The following PLCD4 variants were observed in gnomAD, a reference collection of about 807,000 sequenced individuals.
PLCD4 encodes the protein 1-phosphatidylinositol 4,5-bisphosphate phosphodiesterase delta-4.
A neutral mutation model predicts 90.2 loss-of-function variants in PLCD4; 63 were observed. The observed-to-expected ratio is 0.70, with a 90% CI of 0.57 to 0.86. The LOEUF (loss-of-function observed/expected upper bound fraction) is 0.86. Ranked by LOEUF, PLCD4 falls within the 40% of genes least tolerant of loss-of-function variation. The probability of loss-of-function intolerance (pLI) is 0.00; values close to 1 mark genes in which losing one functional copy is unlikely to be tolerated. For missense variants in PLCD4, 830 were observed against 956.3 expected (o/e 0.87, Z 1.74); for synonymous variants, 294 against 356.5 (o/e 0.82, Z 1.97).
At chr2:218,629,126 G>T in intron 7 of PLCD4, 1 of 159,582 alleles carries the variant, frequency 6.3e-6, no homozygotes, top group Non-Finnish European at 1.4e-5. Flanking sequence ...TGAGGTGGGA[G>T]GATCGCTTAA....
chr2:218,636,711 T>C lies in PLCD4; in HGVS notation c.*134T>C. 1 of 927,972 alleles carries C rather than the reference T, an allele frequency of 1.1e-6. No homozygotes were observed. The highest frequency in any genetic ancestry group is 2.4e-5 in the Admixed American group (1 of 42,256). 57.5% of individuals were successfully genotyped at this position (927,972 alleles called of 1,614,324 possible). Reference sequence around the variant, plus strand: ...GTGCATTCCTAGGCACAAAATTACCTCATTCTTCCTAACAAGCAATCTGGG... The same window carrying C: ...GTGCATTCCTAGGCACAAAATTACCCCATTCTTCCTAACAAGCAATCTGGG... On this transcript the variant is annotated 3_prime_UTR_variant, in exon 16 of 16. Transcript: ENST00000450993.
At chr2:218,625,400 G>T (rs1696074065) in intron 6 of PLCD4, among the ~76,000 whole-genome samples, 1 of 152,082 alleles carries the variant, frequency 6.6e-6, no homozygotes, top group Non-Finnish European at 1.5e-5. Flanking sequence ...ACCCCTCTTG[G>T]TGTTTCCTTC....
At chr2:218,629,713 A>G in intron 8 of PLCD4, 50 bp downstream of exon 8, 1 of 1,585,262 alleles carries the variant, frequency 6.3e-7, no homozygotes, top group Non-Finnish European at 8.6e-7. Flanking sequence ...GTCTGAGGGA[A>G]GAACGACTGG....
Position 218,634,223 on chromosome 2 carries a change from TGAG to T in PLCD4, c.1723+7_1723+9del. 6 of 1,606,834 alleles carry T rather than the reference TGAG, an allele frequency of 3.7e-6. No individual in the cohort carries two copies. The highest frequency in any genetic ancestry group is 5.1e-6 in the Non-Finnish European group (6 of 1,176,542). On this transcript the variant is annotated splice_donor_5th_base_variant and intron_variant, in intron 12 of 15. Coordinates refer to ENST00000450993, the MANE Select transcript of PLCD4 (RefSeq NM_032726.4). The surrounding 1 kb of genome is among the most constrained non-coding windows in gnomAD (Gnocchi z 4.0). ...TCTGGAATGCAGGCTGCCAGATGGG[TGAG>T]GAGGCAGCAGGGACTGGGAAGAGGG...
At chr2:218,608,674 G>A (rs1260696510) in intron 1 of PLCD4, among the ~76,000 whole-genome samples, 3 of 152,054 alleles carry the variant, frequency 2.0e-5, no homozygotes, top group African/African-American at 7.2e-5. Flanking sequence ...GAGAGTTTAG[G>A]GTTTCCCAGA....
At chr2:218,628,285 T>C in intron 7 of PLCD4, 55 bp downstream of exon 7, 1 of 1,537,012 alleles carries the variant, frequency 6.5e-7, no homozygotes, top group Non-Finnish European at 9.0e-7. Flanking sequence ...TGTAGAAAAG[T>C]GAGGGGAGCT....
At chr2:218,612,176 G>A (rs1310679638) in intron 1 of PLCD4, among the ~76,000 whole-genome samples, 1 of 152,144 alleles carries the variant, frequency 6.6e-6, no homozygotes, top group African/African-American at 2.4e-5. Context: ...CCAAAGTGCT[G>A]GGATTACAGG....
At chr2:218,632,063 A>C in intron 9 of PLCD4, 73 bp from the exon 10 acceptor site, 1 of 1,459,342 alleles carries the variant, frequency 6.9e-7, no homozygotes, top group South Asian at 1.4e-5. Context: ...TTTGAGAACA[A>C]TGAGACTGGC....
At chr2:218,633,478 G>A (rs762797826) in intron 10 of PLCD4, 127 bp from the exon 11 acceptor site, 58 of 1,116,086 alleles carry the variant, frequency 5.2e-5, no homozygotes, top group Non-Finnish European at 7.4e-5. Flanking sequence ...TCTTGTCCCG[G>A]CAGGTGAGGC....
At chr2:218,616,928 A>ATATATATATATATATATATATAGT (rs57351654) in intron 3 of PLCD4, among the ~76,000 whole-genome samples, 1 of 10,442 alleles carries the variant, frequency 9.6e-5, no homozygotes, top group Non-Finnish European at 1.7e-4. Context: ...ATATATATAT[A>ATATATATATATATATATATATAGT]GAGAGAGAGA....
In PLCD4 at chr2:218,636,512, C is replaced by T; in HGVS notation, c.2224C>T (p.Leu742Phe). Residue 742 changes from leucine (L) to phenylalanine (F), a missense_variant, in exon 16 of 16, where the codon CTC becomes TTC. Leu to Phe is a conservative substitution (Grantham distance 22). Transcript: ENST00000450993. ...CCTGCTGTCCAAAGATGGCATCAGC[C>T]TCCGCCCAGCTTCCATCTTTGTGTA... ...IHLLSKDGIS[L>F]RPASIFVYIC... 1 of 1,613,974 alleles carries T rather than the reference C, an allele frequency of 6.2e-7. No individual in the cohort carries two copies. The highest frequency in any genetic ancestry group is 8.5e-7 in the Non-Finnish European group (1 of 1,179,888).
rs1696191383 is a variant in PLCD4, at chr2:218,628,042, T to C, written c.786T>C (p.His262=). ...TCCACACTCCAGGCAAACTGCGGCATGTGCTGAGTATGGATGGCTTCCTCA... is the reference window on the plus strand; with the variant it reads ...TCCACACTCCAGGCAAACTGCGGCACGTGCTGAGTATGGATGGCTTCCTCA... ...YEPSDSGKLR[H]VLSMDGFLSY... The change falls in exon 7 of 16, where the codon CAT becomes CAC. Residue 262 remains histidine, a synonymous_variant. Coordinates refer to ENST00000450993, the MANE Select transcript of PLCD4 (RefSeq NM_032726.4). The C allele has an allele frequency of 2.5e-6, 4 of 1,613,692 alleles. No homozygotes were observed. The East Asian group carries it at 8.9e-5, about 36-fold the overall frequency.
Position 218,629,633 on chromosome 2 carries a change from C to G in PLCD4, c.1089C>G (p.Val363=). The change falls in exon 8 of 16, where the codon GTC becomes GTG. Residue 363 remains valine, a synonymous_variant. Coordinates refer to ENST00000450993, the MANE Select transcript of PLCD4 (RefSeq NM_032726.4). ...TLTSRILFKD[V]VATVAQYAFQ... Reference sequence around the variant, plus strand: ...CCTCCCGCATCCTGTTCAAAGATGTCGTGGCCACAGTAGCACAGTATGCCT... The same window carrying G: ...CCTCCCGCATCCTGTTCAAAGATGTGGTGGCCACAGTAGCACAGTATGCCT... The G allele has an allele frequency of 1.2e-6, 2 of 1,613,544 alleles. No individual in the cohort carries two copies. The highest frequency in any genetic ancestry group is 1.7e-6 in the Non-Finnish European group (2 of 1,179,766).
chr2:218,634,610 G>A lies in PLCD4; in HGVS notation c.1876G>A (p.Ala626Thr), dbSNP rs1323002691. 1 of 1,613,900 alleles carries A rather than the reference G, an allele frequency of 6.2e-7. No homozygotes were observed. The highest frequency in any genetic ancestry group is 2.2e-5 in the East Asian group (1 of 44,884). ...TGAGAAGCCCATCAGCCCTTTCAAA[G>A]CCCAGACTCTCTTAATCCAGGTACA... is the stretch of plus-strand genomic sequence containing the variant. Reference protein sequence around the residue: ...HPEKPISPFKAQTLLIQVISG... With the variant: ...HPEKPISPFKTQTLLIQVISG... Residue 626 changes from alanine to threonine, a missense_variant, in exon 13 of 16, where the codon GCC becomes ACC. Coordinates refer to ENST00000450993, the MANE Select transcript of PLCD4 (RefSeq NM_032726.4). This position sits in a 1 kb window ranked among gnomAD's most constrained non-coding sequence, Gnocchi z 4.0.
At position 218,634,238 on chromosome 2, in the gene PLCD4, G is replaced by C; in HGVS notation, c.1723+17G>C. On this transcript the variant is annotated intron_variant, in intron 12 of 15. Transcript: ENST00000450993. The surrounding 1 kb of genome is among the most constrained non-coding windows in gnomAD (Gnocchi z 4.0). ...GCCAGATGGGTGAGGAGGCAGCAGG[G>C]ACTGGGAAGAGGGAGTGGAGGAGCA... The C allele has an allele frequency of 1.2e-6, 2 of 1,601,252 alleles. No homozygotes were observed. Among genetic ancestry groups the C allele is most frequent in the Non-Finnish European group, 1.7e-6 (2 of 1,173,670 alleles).
chr2:218,629,387 C>A, intron 7 of PLCD4, 132 bp from the exon 8 acceptor site: 2 of 1,024,870 alleles, frequency 2.0e-6, no homozygotes, highest in Non-Finnish European at 2.8e-6. Flanking sequence ...AGGCTCTATG[C>A]AGATGTAGCT....
At position 218,634,127 on chromosome 2, in the gene PLCD4, T is replaced by A; in HGVS notation, c.1629T>A (p.Asn543Lys). ...CAGGCAATGAGTTTGTGCAGCACAA[T>A]ACTTGGCAGTTAAGCCGTGTGTATC... The part of the protein sequence containing the change: ...KEAGNEFVQH[N>K]TWQLSRVYPS... Residue 543 changes from asparagine (N) to lysine (K), a missense_variant, in exon 12 of 16, where the codon AAT becomes AAA. Asn to Lys is a moderately conservative substitution (Grantham distance 94). Transcript: ENST00000450993. The surrounding 1 kb of genome is among the most constrained non-coding windows in gnomAD (Gnocchi z 4.0). The A allele has an allele frequency of 6.2e-7, 1 of 1,611,876 alleles. No homozygotes were observed. The highest frequency in any genetic ancestry group is 1.1e-5 in the South Asian group (1 of 90,504).
chr2:218,627,101 GA>G lies in PLCD4; in HGVS notation c.773-917del, dbSNP rs963417219. Among the ~76,000 whole-genome samples, 416 of 140,204 alleles carry G rather than the reference GA, an allele frequency of 3.0e-3. 1 individual carries two copies. Among genetic ancestry groups the G allele is most frequent in the Middle Eastern group, 0.025 (7 of 276 alleles). The allele number at this position is 140,204 out of a possible 152,430, so 92.0% of individuals were successfully genotyped here. A position where few individuals can be genotyped will look rare whatever the true frequency, so the allele number is the denominator to read the frequency against. Reference sequence around the variant, plus strand: ...ACCCTGTCTCTACTAAAAATACAAAGAAAAAAAAAAAGAGCCGGGTGTAGTG... The same window carrying G: ...ACCCTGTCTCTACTAAAAATACAAAGAAAAAAAAAAGAGCCGGGTGTAGTG... On this transcript the variant is annotated intron_variant, in intron 6 of 15. Transcript: ENST00000450993.
chr2:218,633,201 G>C (rs1664942830), intron 10 of PLCD4: 1 of 589,304 alleles, frequency 1.7e-6, no homozygotes, highest in African/African-American at 1.9e-5. Flanking sequence ...TGTACATTTT[G>C]ACCAAAGGTT....
Sources: allele counts gnomAD v4.1 joint callset (sites outside exome capture counted in the v4.1 genomes callset), GRCh38; gene constraint gnomAD v4.1.1; non-coding constraint Gnocchi (gnomAD v3.1); transcripts MANE v1.5; gene names NCBI Gene and HGNC (gene_info 2026-07-23, HGNC 2026-07-21).